Variants in TAFA2 observed in about 807,000 individuals in gnomAD.
TAFA2 encodes the protein TAFA chemokine like family member 2, also known as chemokine-like protein TAFA-2.
Under a neutral mutation model 18.8 loss-of-function variants are expected in TAFA2, and 7 were observed. The ratio of observed to expected loss-of-function variants is 0.37; its 90% CI spans 0.21 to 0.70. The LOEUF is 0.70. Among genes scored for constraint, TAFA2 ranks in the 30% least tolerant of loss-of-function variants. The pLI is 0.53. For synonymous variants in TAFA2, 60 were observed against 54.2 expected (o/e 1.11, Z -0.47); for missense variants, 122 against 158.1 (o/e 0.77, Z 1.23).
intron 1 of TAFA2, among the ~76,000 whole-genome samples, chr12:62,071,075 G>A (rs1194461821): frequency 6.6e-6 from 1 of 152,210 alleles, no homozygotes; most frequent in Non-Finnish European, 1.5e-5. Context: ...ACCTCTTGCA[G>A]ACACAGTTCT....
At chr12:62,179,456 G>C (rs78646669) in intron 1 of TAFA2, among the ~76,000 whole-genome samples, 3,375 of 152,274 alleles carry the variant, frequency 0.022, 130 homozygotes, top group African/African-American at 0.076. Context: ...AAAATGATCA[G>C]TAATTTTTTT....
At chr12:62,015,950 AG>A (rs1880923400) in intron 1 of TAFA2, among the ~76,000 whole-genome samples, 1 of 152,236 alleles carries the variant, frequency 6.6e-6, no homozygotes, top group Non-Finnish European at 1.5e-5. Context: ...GAAGACAAAA[AG>A]TTTTGGAGAT....
intron 1 of TAFA2, among the ~76,000 whole-genome samples, chr12:62,072,096 T>C (rs968032467): frequency 3.9e-5 from 6 of 152,156 alleles, no homozygotes; most frequent in African/African-American, 1.4e-4. Context: ...CAGAGAAAGA[T>C]AGGTAAAGTA....
chr12:62,061,930 G>A (rs348660), intron 1 of TAFA2, among the ~76,000 whole-genome samples: 1 of 151,862 alleles, frequency 6.6e-6, no homozygotes, highest in Non-Finnish European at 1.5e-5. Context: ...CGGAGAAGAC[G>A]CAGCACCAAG....
intron 1 of TAFA2, among the ~76,000 whole-genome samples, chr12:61,868,220 CT>C (rs1874440464): frequency 6.6e-6 from 1 of 152,088 alleles, no homozygotes; most frequent in Non-Finnish European, 1.5e-5. Flanking sequence ...CAAATTTGGC[CT>C]GTAGGTATAT....
chr12:61,996,869 C>G (rs920959869), intron 1 of TAFA2, among the ~76,000 whole-genome samples: 12 of 152,168 alleles, frequency 7.9e-5, no homozygotes, highest in Non-Finnish European at 1.8e-4. Flanking sequence ...ATTTCTGAAT[C>G]CAAAGCATAG....
At chr12:62,029,496 C>G (rs958853735) in intron 1 of TAFA2, among the ~76,000 whole-genome samples, 1 of 152,116 alleles carries the variant, frequency 6.6e-6, no homozygotes, top group Non-Finnish European at 1.5e-5. Flanking sequence ...GTAAACAGCA[C>G]AGTATACAGT....
intron 2 of TAFA2, among the ~76,000 whole-genome samples, chr12:61,851,773 T>TCA (rs1565656283): frequency 3.6e-4 from 5 of 14,006 alleles, no homozygotes; most frequent in Non-Finnish European, 3.5e-4. Flanking sequence ...AGACTCCATC[T>TCA]CAAAAAAAAA....
intron 2 of TAFA2, among the ~76,000 whole-genome samples, chr12:61,863,509 G>A (rs777938031): frequency 6.6e-6 from 1 of 152,154 alleles, no homozygotes; most frequent in Non-Finnish European, 1.5e-5. Context: ...AATGGCTGGG[G>A]GTAGGGTGGA....
rs1386018286 is a variant in TAFA2 at position 62,160,992 on chromosome 12, A to G, written c.-2+30267T>C. Among the ~76,000 whole-genome samples the G allele has an allele frequency of 2.6e-5, 4 of 152,224 alleles. No individual in the cohort carries two copies. The South Asian group carries it at 8.3e-4, about 31-fold the overall frequency. ...TGAATACAGATTATTGTAAAATAAA[A>G]ATCTGTCAAGTCTGCAAGAATCATA... On this transcript the variant is annotated intron_variant, in intron 1 of 4. Coordinates refer to ENST00000416284, the MANE Select transcript of TAFA2 (RefSeq NM_178539.5).
At chr12:62,124,670 T>C (rs1485630819) in intron 1 of TAFA2, among the ~76,000 whole-genome samples, 1 of 152,196 alleles carries the variant, frequency 6.6e-6, no homozygotes, top group Non-Finnish European at 1.5e-5. Flanking sequence ...GGAAATTATA[T>C]ATAACTGTCT....
At chr12:62,149,548 A>G (rs2062312320) in intron 1 of TAFA2, among the ~76,000 whole-genome samples, 1 of 143,650 alleles carries the variant, frequency 7.0e-6, no homozygotes, top group Non-Finnish European at 1.5e-5. Flanking sequence ...GAATTTCCTT[A>G]AATAGAATAT....
At chr12:61,976,912 C>T (rs550920383) in intron 1 of TAFA2, among the ~76,000 whole-genome samples, 2 of 151,954 alleles carry the variant, frequency 1.3e-5, no homozygotes, top group Non-Finnish European at 2.9e-5. Flanking sequence ...TTTTCTTAAT[C>T]CAGTCTATCA....
At chr12:61,770,629 A>G (rs2120839799) in intron 2 of TAFA2, among the ~76,000 whole-genome samples, 1 of 152,260 alleles carries the variant, frequency 6.6e-6, no homozygotes, top group East Asian at 1.9e-4. Flanking sequence ...TTTTGTATCC[A>G]GTGAAACTAA....
chr12:61,751,324 C>T (rs1869003103), intron 4 of TAFA2, among the ~76,000 whole-genome samples: 1 of 152,002 alleles, frequency 6.6e-6, no homozygotes, highest in Non-Finnish European at 1.5e-5. Flanking sequence ...TTTTGCCTTT[C>T]TATTTGGAAT....
At chr12:62,106,238 G>A (rs927319999) in intron 1 of TAFA2, among the ~76,000 whole-genome samples, 3 of 152,036 alleles carry the variant, frequency 2.0e-5, no homozygotes, top group Non-Finnish European at 4.4e-5. Context: ...AGAGGCTGAG[G>A]CAGAAAAATC....
chr12:62,222,207 A>C (rs1048929015), intron 1 of TAFA2, among the ~76,000 whole-genome samples: 3 of 152,016 alleles, frequency 2.0e-5, no homozygotes, highest in Non-Finnish European at 2.9e-5. Context: ...ACACACACAC[A>C]CACATCTGGA....
rs367774900 is a variant in TAFA2 at position 62,026,671 on chromosome 12, A to G, written c.-1-159245T>C. 2.0e-5 allele frequency among the ~76,000 whole-genome samples: 3 copies of G among 152,132 alleles called. No individual in the cohort carries two copies. The East Asian group carries it at 5.8e-4, about 29-fold the overall frequency. On this transcript the variant is annotated intron_variant, in intron 1 of 4. Transcript: ENST00000416284. ...GTCTATGTTTTGAATTTGCTGAATA[A>G]TGCTATTATTTGGTTTATTCTTTGT...
chr12:62,257,182 G>GTGTA (rs2062944633), intron 1 of TAFA2, among the ~76,000 whole-genome samples: 1 of 15,902 alleles, frequency 6.3e-5, no homozygotes, highest in Non-Finnish European at 1.5e-4. Context: ...GTGTGTGTGT[G>GTGTA]TGTGTGTGTG....
Sources: gnomAD v4.1 joint callset for allele counts (sites outside exome capture counted in the v4.1 genomes callset) on GRCh38, gnomAD v4.1.1 for gene constraint, MANE v1.5 for transcripts, NCBI Gene and HGNC (gene_info 2026-07-23, HGNC 2026-07-21) for gene names.